The following PLA2G2E variants were observed in gnomAD, a reference collection of about 807,000 sequenced individuals.
PLA2G2E encodes the protein phospholipase A2 group IIE, also known as group IIE secretory phospholipase A2.
A neutral mutation model predicts 16.5 loss-of-function variants in PLA2G2E; 14 were observed. The ratio of observed to expected loss-of-function variants is 0.85; its 90% confidence interval spans 0.56 to 1.33. PLA2G2E has a LOEUF of 1.33. Among genes scored for constraint, PLA2G2E ranks in the 40% most tolerant of loss-of-function variants. The pLI, the probability that PLA2G2E is intolerant of heterozygous loss-of-function variation, is 0.00. For synonymous variants in PLA2G2E, 72 were observed against 77.2 expected, an observed-to-expected ratio of 0.93 and a Z score of 0.36; for missense variants, 174 against 190.7, an observed-to-expected ratio of 0.91 and a Z score of 0.52.
In PLA2G2E at chr1:19,920,265, G is replaced by C. The variant is rs370586050; in HGVS notation, c.*42C>G. 2.5e-6 allele frequency: 4 copies of C among 1,578,336 alleles called. No homozygotes were observed. The East Asian group carries it at 6.7e-5, about 27-fold the overall frequency. On this transcript the variant is annotated 3_prime_UTR_variant, in exon 4 of 4. Coordinates refer to ENST00000375116, the MANE Select transcript of PLA2G2E (RefSeq NM_014589.3). The surrounding 1 kb of genome is among the most constrained non-coding windows in gnomAD (Gnocchi z 4.3). ...CCCAGGCCTGGGACTACAGCAGCCC[G>C]AGGCGGGACCTCCAGGGACGGGGGG...
At chr1:19,921,238 A>C (rs969581732) in intron 3 of PLA2G2E, among the ~76,000 whole-genome samples, 1 of 152,210 alleles carries the variant, frequency 6.6e-6, no homozygotes, top group African/African-American at 2.4e-5. Flanking sequence ...CCGCTATGTC[A>C]GCAACACCCA....
In PLA2G2E at chr1:19,922,782, A is replaced by AGGGAGGGCCCCACC. The variant is rs1553164465; in HGVS notation, c.41-41_41-28dup. Reference sequence around the variant, plus strand: ...TGCAGAGAGGGAGAGGGAGAGGGAGAGGGAGGGCCCCACCCTCTGCAGCCA... The same window carrying AGGGAGGGCCCCACC: ...TGCAGAGAGGGAGAGGGAGAGGGAGAGGGAGGGCCCCACCGGGAGGGCCCCACCCTCTGCAGCCA... On this transcript the variant is annotated intron_variant, in intron 1 of 3. Coordinates refer to ENST00000375116, the MANE Select transcript of PLA2G2E (RefSeq NM_014589.3). 6.8e-3 allele frequency: 10,899 copies of AGGGAGGGCCCCACC among 1,610,628 alleles called. 48 individuals carry two copies. The highest frequency in any genetic ancestry group is 8.1e-3 in the Non-Finnish European group (9,588 of 1,178,574).
rs1010448715 is a variant in PLA2G2E, at chr1:19,922,389, G to A, written c.195C>T (p.His65=). The A allele has an allele frequency of 3.1e-6, 5 of 1,613,692 alleles. No individual in the cohort carries two copies. The highest frequency in any genetic ancestry group is 2.7e-5 in the African/African-American group (2 of 74,928). ...VDQTDWCCHA[H]DCCYGRLEKL... ...TCTCCAGACGCCCGTAGCAGCAGTC[G>A]TGGGCGTGGCAGCACCTGTAAGGGT... Residue 65 remains histidine, a synonymous_variant, in exon 3 of 4, where the codon CAC becomes CAT. Transcript: ENST00000375116.
At chr1:19,922,102 C>T (rs553385823) in intron 3 of PLA2G2E, among the ~76,000 whole-genome samples, 196 bp downstream of exon 3, 3 of 152,240 alleles carry the variant, frequency 2.0e-5, no homozygotes, top group East Asian at 3.9e-4. Context: ...TGATGGGGTA[C>T]GGGCTTCTCT....
chr1:19,920,503 C>A lies in PLA2G2E; in HGVS notation c.287-54G>T. ...ACAGAAGCTCAGGATATGTGTGGGA[C>A]AGCTCTTGGCTGCTTCTGGGTCCAC... On this transcript the variant is annotated intron_variant, in intron 3 of 3. Transcript: ENST00000375116. The surrounding 1 kb of genome is among the most constrained non-coding windows in gnomAD (Gnocchi z 4.3). 1.9e-6 allele frequency: 3 copies of A among 1,573,748 alleles called. No individual in the cohort carries two copies. Among genetic ancestry groups the A allele is most frequent in the East Asian group, 4.5e-5 (2 of 44,534 alleles).
chr1:19,921,486 T>C (rs968991156), intron 3 of PLA2G2E, among the ~76,000 whole-genome samples: 28 of 152,310 alleles, frequency 1.8e-4, no homozygotes, highest in African/African-American at 6.3e-4. Flanking sequence ...GCCCTGATCC[T>C]GGCAGGTGGC....
chr1:19,921,043 T>G (rs919115959), intron 3 of PLA2G2E, among the ~76,000 whole-genome samples: 2 of 152,204 alleles, frequency 1.3e-5, no homozygotes, highest in South Asian at 2.1e-4. Context: ...TAGAGCCAGC[T>G]GGCATCAGCT....
chr1:19,920,244 GGCCTGGGACTACAGCA>G lies in PLA2G2E; in HGVS notation c.*47_*62del. The G allele has an allele frequency of 6.8e-7, 1 of 1,469,924 alleles. No homozygotes were observed. The highest frequency in any genetic ancestry group is 9.3e-7 in the Non-Finnish European group (1 of 1,070,594). The allele number at this position is 1,469,924 out of a possible 1,614,324, so 91.1% of individuals were successfully genotyped here. ...GGGCCTTTGGTGCCAATGTTCCCCA[GGCCTGGGACTACAGCA>G]GCCCGAGGCGGGACCTCCAGGGACG... On this transcript the variant is annotated 3_prime_UTR_variant, in exon 4 of 4. Coordinates refer to ENST00000375116, the MANE Select transcript of PLA2G2E (RefSeq NM_014589.3). This position sits in a 1 kb window ranked among gnomAD's most constrained non-coding sequence, Gnocchi z 4.3.
intron 2 of PLA2G2E, 77 bp downstream of exon 2, chr1:19,922,540 T>G: frequency 6.3e-7 from 1 of 1,583,198 alleles, no homozygotes; most frequent in Non-Finnish European, 8.6e-7. Context: ...CAGGCTTCCC[T>G]CCTTCTCCCA....
At chr1:19,922,779 G>A (rs771864288) in intron 1 of PLA2G2E, 24 bp from the exon 2 acceptor site, 1 of 1,610,232 alleles carries the variant, frequency 6.2e-7, no homozygotes, top group Non-Finnish European at 8.5e-7. Context: ...GAGGGAGAGG[G>A]AGAGGGAGGG....
intron 3 of PLA2G2E, among the ~76,000 whole-genome samples, chr1:19,921,417 G>A (rs1323885187): frequency 6.6e-6 from 1 of 152,212 alleles, no homozygotes; most frequent in African/African-American, 2.4e-5. Flanking sequence ...GCAGGTGGAA[G>A]GTGACGCCCT....
In PLA2G2E at chr1:19,922,889, C is replaced by A. The variant is rs149342133; in HGVS notation, c.41-134G>T. 1,539 of 892,328 alleles carry A rather than the reference C, an allele frequency of 1.7e-3. 19 individuals carry two copies. The African/African-American group carries it at 0.023, about 13-fold the overall frequency. The allele number at this position is 892,328 out of a possible 1,614,324, so 55.3% of individuals were successfully genotyped here. On this transcript the variant is annotated intron_variant, in intron 1 of 3. Transcript: ENST00000375116. The stretch of plus-strand genomic sequence containing the variant: ...AAGCTCACCTCCCCAAAGCAACCCA[C>A]TCTCAACAACAACCGTGGTAATAAG...
intron 3 of PLA2G2E, among the ~76,000 whole-genome samples, chr1:19,922,023 T>C (rs1278943775): frequency 2.6e-5 from 4 of 152,200 alleles, no homozygotes; most frequent in Admixed American, 1.3e-4. Flanking sequence ...ACCCCTCTGC[T>C]CCTCTTTCCA....
chr1:19,920,422 G>C lies in PLA2G2E; in HGVS notation c.314C>G (p.Thr105Ser). Reference sequence around the variant, plus strand: ...GGCAGCCCTCTTGTCACACTCGCAGGTCAGCCGCTGGCAGGTGGTCCTGCC... The same window carrying C: ...GGCAGCCCTCTTGTCACACTCGCAGCTCAGCCGCTGGCAGGTGGTCCTGCC... ...CAGRTTCQRL[T>S]CECDKRAALC... The change falls in exon 4 of 4, where the codon ACC (threonine) becomes AGC (serine). Residue 105 changes from threonine (T) to serine (S), a missense_variant. Transcript: ENST00000375116. This position sits in a 1 kb window ranked among gnomAD's most constrained non-coding sequence, Gnocchi z 4.3. 1 of 1,613,854 alleles carries C rather than the reference G, an allele frequency of 6.2e-7. No individual in the cohort carries two copies. Among genetic ancestry groups the C allele is most frequent in the South Asian group, 1.1e-5 (1 of 91,068 alleles).
In PLA2G2E at chr1:19,922,715, C is replaced by G; in HGVS notation, c.81G>C (p.Met27Ile). Reference protein sequence around the residue: ...VTGNLVQFGVMIEKMTGKSAL... With the variant: ...VTGNLVQFGVIIEKMTGKSAL... ...CGGACTTGCCTGTCATCTTCTCGAT[C>G]ATCACCCCAAACTGAACCAGGTTCC... The change falls in exon 2 of 4, where the codon ATG (methionine) becomes ATC (isoleucine). Residue 27 changes from methionine (M) to isoleucine (I), a missense_variant. Physicochemically the swap from Met to Ile is conservative, Grantham distance 10. Coordinates refer to ENST00000375116, the MANE Select transcript of PLA2G2E (RefSeq NM_014589.3). 1 of 1,613,972 alleles carries G rather than the reference C, an allele frequency of 6.2e-7. No individual in the cohort carries two copies. The highest frequency in any genetic ancestry group is 1.1e-5 in the South Asian group (1 of 91,070).
At chr1:19,922,095 TG>T (rs1173199182) in intron 3 of PLA2G2E, among the ~76,000 whole-genome samples, 4 of 152,098 alleles carry the variant, frequency 2.6e-5, no homozygotes, top group Non-Finnish European at 5.9e-5. Flanking sequence ...GCTGCACTGA[TG>T]GGGTACGGGC....
intron 1 of PLA2G2E, among the ~76,000 whole-genome samples, chr1:19,922,984 C>A (rs2045829881): frequency 6.6e-6 from 1 of 152,152 alleles, no homozygotes; most frequent in Non-Finnish European, 1.5e-5. Flanking sequence ...GTCAGCGCCC[C>A]CAGTGTCCCC....
intron 3 of PLA2G2E, among the ~76,000 whole-genome samples, chr1:19,921,656 C>T (rs2045817247): frequency 6.6e-6 from 1 of 152,246 alleles, no homozygotes; most frequent in Admixed American, 6.5e-5. Context: ...TCCTTCCGCG[C>T]TGCAGCATCC....
Position 19,920,469 on chromosome 1 carries a change from T to G in PLA2G2E, c.287-20A>C. On this transcript the variant is annotated intron_variant, in intron 3 of 3. Coordinates refer to ENST00000375116, the MANE Select transcript of PLA2G2E (RefSeq NM_014589.3). The surrounding 1 kb of genome is among the most constrained non-coding windows in gnomAD (Gnocchi z 4.3). ...TGCCGGCTGGATGGGACAAAGTGAG[T>G]CAGGGACCACAGAAGCTCAGGATAT... 1 of 1,611,554 alleles carries G rather than the reference T, an allele frequency of 6.2e-7. No individual in the cohort carries two copies. The highest frequency in any genetic ancestry group is 1.7e-5 in the Admixed American group (1 of 59,976).
Sources: gnomAD v4.1 joint callset for allele counts (sites outside exome capture counted in the v4.1 genomes callset) on GRCh38, gnomAD v4.1.1 for gene constraint, Gnocchi (gnomAD v3.1) non-coding constraint, MANE v1.5 for transcripts, NCBI Gene and HGNC (gene_info 2026-07-23, HGNC 2026-07-21) for gene names.